Variants in ANK3 observed in about 807,000 individuals in gnomAD.
ANK3 encodes the protein ankyrin-3.
In ANK3, 57 loss-of-function variants were observed where a neutral mutation model predicts 370.9. That is an observed-to-expected ratio of 0.15 (90% CI 0.12 to 0.19). The LOEUF is 0.19. ANK3 is among the 10% of genes least tolerant of loss of function. ANK3 has a pLI of 1.00. For synonymous variants in ANK3, 1,929 were observed against 1,946.3 expected (o/e 0.99, Z 0.23); for missense variants, 4,439 against 5,302.1 (o/e 0.84, Z 5.06).
intron 7 of ANK3, among the ~76,000 whole-genome samples, chr10:60,240,794 G>A (rs1010340053): frequency 2.6e-5 from 4 of 152,124 alleles, no homozygotes; most frequent in South Asian, 2.1e-4. Context: ...GTTTCATCAC[G>A]TTGGCCAGGC....
At chr10:60,444,286 AG>A (rs2064377890) in intron 2 of ANK3, among the ~76,000 whole-genome samples, 1 of 152,054 alleles carries the variant, frequency 6.6e-6, no homozygotes, top group African/African-American at 2.4e-5. Context: ...TAAAATGCTA[AG>A]TGATTCCAAA....
rs55896952 is a variant in ANK3 at position 60,601,173 on chromosome 10, GCA to G, written c.96+14011_96+14012del. On this transcript the variant is annotated intron_variant, in intron 2 of 43. Transcript: ENST00000373827. ...CAAAGTCATTAAACATTTATACAACGCACACACACACACACACACACACATAC... is the reference window on the plus strand; with the variant it reads ...CAAAGTCATTAAACATTTATACAACGCACACACACACACACACACACATAC... 5.5e-3 allele frequency among the ~76,000 whole-genome samples: 814 copies of G among 147,550 alleles called. 8 individuals are homozygous for G. The highest frequency in any genetic ancestry group is 0.016 in the African/African-American group (645 of 40,020).
At chr10:60,130,468 C>T (rs1043670513) in intron 25 of ANK3, among the ~76,000 whole-genome samples, 1 of 152,170 alleles carries the variant, frequency 6.6e-6, no homozygotes, top group African/African-American at 2.4e-5. Context: ...GCAAATTTAA[C>T]TGGGCAATGA....
At chr10:60,172,733 C>G (rs1322625745) in intron 20 of ANK3, among the ~76,000 whole-genome samples, 167 bp downstream of exon 20, 1 of 152,180 alleles carries the variant, frequency 6.6e-6, no homozygotes, top group Admixed American at 6.5e-5. Flanking sequence ...TCATCTCTCT[C>G]TCTCTGAACA....
At chr10:60,712,379 T>C (rs2079721962) in intron 1 of ANK3, among the ~76,000 whole-genome samples, 1 of 152,236 alleles carries the variant, frequency 6.6e-6, no homozygotes, top group Admixed American at 6.5e-5. Flanking sequence ...GCCTCTGTTA[T>C]AAGGCACTTG....
At chr10:60,501,943 A>C (rs1185242150) in intron 2 of ANK3, among the ~76,000 whole-genome samples, 1 of 152,092 alleles carries the variant, frequency 6.6e-6, no homozygotes, top group East Asian at 1.9e-4. Context: ...CTATGATTGC[A>C]CCACTGCACT....
chr10:60,264,596 C>T (rs1566088584), intron 5 of ANK3, among the ~76,000 whole-genome samples: 1 of 150,764 alleles, frequency 6.6e-6, no homozygotes. Flanking sequence ...TGAGCCAAGA[C>T]CATGCCATTT....
intron 1 of ANK3, among the ~76,000 whole-genome samples, chr10:60,631,174 A>G (rs1353674327): frequency 1.3e-5 from 2 of 152,070 alleles, no homozygotes; most frequent in Admixed American, 6.6e-5. Context: ...TCAGGGCTCT[A>G]TTTTGTACTG....
chr10:60,334,308 G>A (rs2052231078), intron 1 of ANK3, among the ~76,000 whole-genome samples: 1 of 152,080 alleles, frequency 6.6e-6, no homozygotes, highest in African/African-American at 2.4e-5. Flanking sequence ...AATGACAAAT[G>A]TTTCCCCTGA....
At chr10:60,329,861 C>T (rs1405407037) in intron 1 of ANK3, among the ~76,000 whole-genome samples, 1 of 152,184 alleles carries the variant, frequency 6.6e-6, no homozygotes, top group East Asian at 1.9e-4. Flanking sequence ...AAGCTGAAGG[C>T]ATCACACTAG....
chr10:60,149,905 C>T (rs996588065), intron 23 of ANK3, among the ~76,000 whole-genome samples: 2 of 152,166 alleles, frequency 1.3e-5, no homozygotes, highest in Non-Finnish European at 2.9e-5. Flanking sequence ...GACAGGGTTT[C>T]GCCATGTTGG....
chr10:60,199,983 T>A, intron 13 of ANK3, 146 bp downstream of exon 13: 1 of 619,246 alleles, frequency 1.6e-6, no homozygotes, highest in Non-Finnish European at 2.8e-6. Flanking sequence ...TTTTTTACAA[T>A]GTTACTTGGG....
At chr10:60,117,983 A>G (rs1363855907) in intron 25 of ANK3, among the ~76,000 whole-genome samples, 1 of 152,222 alleles carries the variant, frequency 6.6e-6, no homozygotes, top group Non-Finnish European at 1.5e-5. Context: ...TGGAAAAAAA[A>G]GCTTCATCTT....
At chr10:60,085,932 G>A (rs922867622) in intron 30 of ANK3, among the ~76,000 whole-genome samples, 10 of 152,064 alleles carry the variant, frequency 6.6e-5, no homozygotes, top group Admixed American at 2.6e-4. Flanking sequence ...CTTTAAAAAG[G>A]TAAGAACTAC....
At chr10:60,704,483 T>C (rs2079586202) in intron 1 of ANK3, among the ~76,000 whole-genome samples, 1 of 151,934 alleles carries the variant, frequency 6.6e-6, no homozygotes, top group Admixed American at 6.6e-5. Flanking sequence ...ATCTGAGAAA[T>C]AGAGCTTTTA....
At chr10:60,369,952 G>A (rs577840549) in intron 1 of ANK3, among the ~76,000 whole-genome samples, 42 of 152,030 alleles carry the variant, frequency 2.8e-4, no homozygotes, top group Non-Finnish European at 5.6e-4. Context: ...TGGGGTAACG[G>A]CATTCTTTAC....
chr10:60,608,276 A>G (rs1029069468), intron 2 of ANK3, among the ~76,000 whole-genome samples: 2 of 152,194 alleles, frequency 1.3e-5, no homozygotes, highest in Non-Finnish European at 2.9e-5. Context: ...GTAATTAAAT[A>G]TCAGCAGACT....
At chr10:60,181,978 T>A (rs2096203995) in intron 17 of ANK3, among the ~76,000 whole-genome samples, 1 of 152,116 alleles carries the variant, frequency 6.6e-6, no homozygotes. Context: ...GTTTCACCTA[T>A]CCCTCTTTTC....
chr10:60,232,675 T>C (rs1370035758), intron 8 of ANK3, among the ~76,000 whole-genome samples: 6 of 152,096 alleles, frequency 3.9e-5, no homozygotes, highest in Non-Finnish European at 7.4e-5. Context: ...CCAGGTTCAA[T>C]GGTAATCAAG....
Sources: allele counts gnomAD v4.1 joint callset (sites outside exome capture counted in the v4.1 genomes callset), GRCh38; gene constraint gnomAD v4.1.1; transcripts MANE v1.5; gene names NCBI Gene and HGNC (gene_info 2026-07-23, HGNC 2026-07-21).